ROBO2: variants seen among roughly 807,000 people sequenced by gnomAD.
ROBO2 encodes roundabout guidance receptor 2.
In ROBO2, 53 loss-of-function variants were observed where a neutral mutation model predicts 160.8. The ratio of observed to expected loss-of-function variants is 0.33; its 90% CI spans 0.26 to 0.41. The LOEUF (loss-of-function observed/expected upper bound fraction) is 0.41, where lower values mean the gene tolerates loss of function less well. ROBO2 is among the 10% of genes least tolerant of loss of function. The pLI, the probability that ROBO2 is intolerant of heterozygous loss-of-function variation, is 1.00. For synonymous variants in ROBO2, 664 were observed against 611.7 expected (o/e 1.09, Z -1.26); for missense variants, 1,577 against 1,722.4 (o/e 0.92, Z 1.49).
chr3:76,566,411 T>C (rs2108539621), intron 2 of ROBO2, among the ~76,000 whole-genome samples: 2 of 152,290 alleles, frequency 1.3e-5, no homozygotes, highest in Admixed American at 1.3e-4. Context: ...AGGGATTTCC[T>C]CGGGCTTCTG....
chr3:77,444,902 C>T (rs1225397628), intron 2 of ROBO2, among the ~76,000 whole-genome samples: 1 of 152,182 alleles, frequency 6.6e-6, no homozygotes, highest in African/African-American at 2.4e-5. Context: ...TGTGCGGAGG[C>T]ATCCTTACCA....
intron 2 of ROBO2, among the ~76,000 whole-genome samples, chr3:76,336,548 G>A (rs2073902585): frequency 6.6e-6 from 1 of 152,154 alleles, no homozygotes; most frequent in Admixed American, 6.5e-5. Flanking sequence ...GAAGAATACT[G>A]CAGTGGCCTA....
chr3:76,813,359 T>A (rs1402707516), intron 2 of ROBO2, among the ~76,000 whole-genome samples: 1 of 152,152 alleles, frequency 6.6e-6, no homozygotes, highest in South Asian at 2.1e-4. Flanking sequence ...AGTTTTGGAT[T>A]GATTCCTTTA....
At chr3:77,601,349 A>G (rs1267589510) in intron 19 of ROBO2, among the ~76,000 whole-genome samples, 3 of 152,160 alleles carry the variant, frequency 2.0e-5, no homozygotes, top group South Asian at 2.1e-4. Flanking sequence ...AGTGATTTCT[A>G]TTTTAGATTC....
At chr3:76,544,726 A>AT (rs1489057505) in intron 2 of ROBO2, among the ~76,000 whole-genome samples, 7 of 151,998 alleles carry the variant, frequency 4.6e-5, no homozygotes, top group Non-Finnish European at 8.8e-5. Flanking sequence ...ACAGGCAAAT[A>AT]ATTCAATTTC....
intron 2 of ROBO2, among the ~76,000 whole-genome samples, chr3:76,081,623 A>G (rs1165477671): frequency 6.6e-6 from 1 of 152,160 alleles, no homozygotes; most frequent in Non-Finnish European, 1.5e-5. Flanking sequence ...CAGCTCCTAC[A>G]GAGAAATTTT....
chr3:76,515,863 A>G (rs777920349), intron 2 of ROBO2, among the ~76,000 whole-genome samples: 1 of 152,204 alleles, frequency 6.6e-6, no homozygotes, highest in Non-Finnish European at 1.5e-5. Context: ...TCAAAGGAAC[A>G]TGTATGGTCT....
At chr3:77,119,627 T>C (rs1236181371) in intron 2 of ROBO2, among the ~76,000 whole-genome samples, 1 of 152,226 alleles carries the variant, frequency 6.6e-6, no homozygotes, top group African/African-American at 2.4e-5. Context: ...ATCTTATCTG[T>C]TACCTCACAG....
At chr3:77,559,608 G>T (rs73117991) in intron 9 of ROBO2, among the ~76,000 whole-genome samples, 10,105 of 152,064 alleles carry the variant, frequency 0.066, 484 homozygotes, top group Non-Finnish European at 0.098. Context: ...GAGCTAAAAA[G>T]AAAGGCAAAA....
chr3:76,378,811 A>G (rs1416053963), intron 2 of ROBO2, among the ~76,000 whole-genome samples: 1 of 152,198 alleles, frequency 6.6e-6, no homozygotes. Context: ...AGAATATGGA[A>G]ATGCAAGAGT....
intron 13 of ROBO2, among the ~76,000 whole-genome samples, chr3:77,571,341 G>GA (rs1330202939): frequency 6.6e-6 from 1 of 152,060 alleles, no homozygotes; most frequent in Non-Finnish European, 1.5e-5. Flanking sequence ...CTAGAATGCT[G>GA]ATTTTAGGGC....
chr3:77,550,558 G>A (rs932525925), intron 7 of ROBO2, among the ~76,000 whole-genome samples: 6 of 151,936 alleles, frequency 3.9e-5, no homozygotes. Flanking sequence ...ATGAGATAAA[G>A]ATCCCCATTC....
intron 2 of ROBO2, among the ~76,000 whole-genome samples, chr3:77,194,928 T>C (rs1254393672): frequency 6.6e-6 from 1 of 152,118 alleles, no homozygotes; most frequent in African/African-American, 2.4e-5. Context: ...TTTCCATTGT[T>C]GGAAATTAAA....
At chr3:77,092,899 T>C (rs1021153718) in intron 1 of ROBO2, among the ~76,000 whole-genome samples, 1 of 151,436 alleles carries the variant, frequency 6.6e-6, no homozygotes, top group African/African-American at 2.4e-5. Context: ...ATTTATAAAT[T>C]TATTTATAAA....
intron 17 of ROBO2, among the ~76,000 whole-genome samples, chr3:77,590,203 A>G: frequency 6.6e-6 from 1 of 152,166 alleles, no homozygotes; most frequent in East Asian, 1.9e-4. Flanking sequence ...TTCCAGGACT[A>G]GAGAAAGTAC....
chr3:77,617,768 A>C, exon 22 of ROBO2: 1 of 1,612,196 alleles, frequency 6.2e-7, no homozygotes, highest in Non-Finnish European at 8.5e-7. Flanking sequence ...TAGCAAAACA[A>C]ACATGGTAAA....
At chr3:77,263,898 A>T (rs1040896656) in intron 2 of ROBO2, among the ~76,000 whole-genome samples, 3 of 152,222 alleles carry the variant, frequency 2.0e-5, no homozygotes, top group Non-Finnish European at 4.4e-5. Flanking sequence ...AGTGTTACTT[A>T]ATCTAAGCAT....
intron 2 of ROBO2, among the ~76,000 whole-genome samples, chr3:76,817,951 T>C (rs146607889): frequency 2.0e-4 from 30 of 151,982 alleles, no homozygotes; most frequent in Admixed American, 1.9e-3. Context: ...CGAATTATGC[T>C]ACTATAAACG....
chr3:77,437,128 A>T (rs1318207383), intron 2 of ROBO2, among the ~76,000 whole-genome samples: 2 of 152,170 alleles, frequency 1.3e-5, no homozygotes, highest in Middle Eastern at 3.4e-3. Context: ...ACAAAGGATG[A>T]CAGATTTTTG....
Sources: gnomAD v4.1 joint callset for allele counts (sites outside exome capture counted in the v4.1 genomes callset) on GRCh38, gnomAD v4.1.1 for gene constraint, MANE v1.5 for transcripts, NCBI Gene and HGNC (gene_info 2026-07-23, HGNC 2026-07-21) for gene names.